ERBB4: variants seen among roughly 807,000 people sequenced by gnomAD.
ERBB4 encodes receptor tyrosine-protein kinase erbB-4.
A neutral mutation model predicts 158.0 loss-of-function variants in ERBB4; 42 were observed. The observed-to-expected ratio is 0.27, with a 90% confidence interval of 0.21 to 0.34. ERBB4 has a LOEUF of 0.34. Among genes scored for constraint, ERBB4 ranks in the 10% least tolerant of loss-of-function variants. The pLI, the probability that ERBB4 is intolerant of heterozygous loss-of-function variation, is 1.00. For missense variants in ERBB4, 1,333 were observed against 1,624.1 expected, an observed-to-expected ratio of 0.82 and a Z score of 3.08; for synonymous variants, 583 against 558.7, an observed-to-expected ratio of 1.04 and a Z score of -0.61.
At chr2:211,514,266 T>C (rs10200942) in intron 20 of ERBB4, among the ~76,000 whole-genome samples, 43,933 of 151,976 alleles carry the variant, frequency 0.29, 6,617 homozygotes, top group South Asian at 0.38. Context: ...CTTCTAAATA[T>C]GAAACCTATC....
intron 1 of ERBB4, among the ~76,000 whole-genome samples, chr2:212,493,749 C>A (rs1690410808): frequency 6.6e-6 from 1 of 151,720 alleles, no homozygotes; most frequent in African/African-American, 2.4e-5. Flanking sequence ...TGTAACTTTG[C>A]CTTTTAGCTT....
At chr2:211,420,360 T>C (rs2063488604) in intron 25 of ERBB4, 81 bp downstream of exon 25, 2 of 999,014 alleles carry the variant, frequency 2.0e-6, no homozygotes, top group South Asian at 2.7e-5. Context: ...TATAATTATT[T>C]TGAAATGTTA....
At chr2:212,190,498 T>C (rs1027892936) in intron 1 of ERBB4, among the ~76,000 whole-genome samples, 19 of 148,840 alleles carry the variant, frequency 1.3e-4, no homozygotes, top group Admixed American at 4.7e-4. Flanking sequence ...GATCGTGCCA[T>C]TGCACTCCAG....
At chr2:211,964,279 A>C (rs556091872) in intron 2 of ERBB4, among the ~76,000 whole-genome samples, 1 of 152,272 alleles carries the variant, frequency 6.6e-6, no homozygotes, top group Admixed American at 6.5e-5. Flanking sequence ...AATCCTCTTC[A>C]TCAACATCAT....
intron 1 of ERBB4, among the ~76,000 whole-genome samples, chr2:212,439,893 G>A (rs1322931716): frequency 1.3e-5 from 2 of 152,090 alleles, no homozygotes; most frequent in African/African-American, 2.4e-5. Context: ...ACAAAAACAA[G>A]GCTAGTATAG....
intron 1 of ERBB4, among the ~76,000 whole-genome samples, chr2:212,247,802 G>T (rs959282659): frequency 6.6e-5 from 10 of 151,922 alleles, no homozygotes; most frequent in African/African-American, 2.2e-4. Flanking sequence ...CATCTCTGCT[G>T]AAAATACAAA....
intron 18 of ERBB4, among the ~76,000 whole-genome samples, chr2:211,619,731 C>T (rs566998530): frequency 6.6e-6 from 1 of 151,794 alleles, no homozygotes; most frequent in Non-Finnish European, 1.5e-5. Flanking sequence ...TATTCAGCAG[C>T]AAGAAAAACA....
At chr2:211,387,804 G>T in intron 26 of ERBB4, 141 bp downstream of exon 26, 1 of 730,476 alleles carries the variant, frequency 1.4e-6, no homozygotes, top group Non-Finnish European at 2.5e-6. Flanking sequence ...CATCTACAAA[G>T]GCAGCTACAC....
At chr2:211,854,750 G>T (rs1044678873) in intron 3 of ERBB4, among the ~76,000 whole-genome samples, 1 of 151,986 alleles carries the variant, frequency 6.6e-6, no homozygotes, top group Non-Finnish European at 1.5e-5. Context: ...TGAAATTTAG[G>T]TTGTTAGCAC....
chr2:212,055,319 C>T (rs2077523707), intron 2 of ERBB4, among the ~76,000 whole-genome samples: 1 of 152,168 alleles, frequency 6.6e-6, no homozygotes, highest in South Asian at 2.1e-4. Context: ...CTGGGTGGAG[C>T]CCATGACAGC....
chr2:212,199,652 G>A (rs1486646183), intron 1 of ERBB4, among the ~76,000 whole-genome samples: 5 of 152,148 alleles, frequency 3.3e-5, no homozygotes, highest in Admixed American at 2.0e-4. Context: ...CTTTATCTGA[G>A]TAAGCAGCTA....
intron 12 of ERBB4, among the ~76,000 whole-genome samples, chr2:211,687,123 C>T (rs954554462): frequency 1.6e-4 from 17 of 108,524 alleles, no homozygotes; most frequent in African/African-American, 5.5e-4. Context: ...GGTGAAACCC[C>T]ATCTCTACTT....
chr2:212,413,979 G>A (rs1331927859), intron 1 of ERBB4, among the ~76,000 whole-genome samples: 2 of 152,142 alleles, frequency 1.3e-5, no homozygotes, highest in Admixed American at 6.5e-5. Flanking sequence ...GTGAAATAGT[G>A]ATAAAATGCT....
chr2:212,050,028 G>C (rs922613326), intron 2 of ERBB4, among the ~76,000 whole-genome samples: 1 of 152,064 alleles, frequency 6.6e-6, no homozygotes, highest in East Asian at 1.9e-4. Context: ...AAGGAACAGG[G>C]ACAAAGATAA....
chr2:211,882,727 T>A (rs1046327788), intron 3 of ERBB4, among the ~76,000 whole-genome samples: 6 of 152,218 alleles, frequency 3.9e-5, no homozygotes, highest in African/African-American at 1.2e-4. Context: ...TTCTTAAAAT[T>A]GTTTAAGTAT....
intron 3 of ERBB4, among the ~76,000 whole-genome samples, chr2:211,788,646 T>C (rs1185134981): frequency 6.6e-6 from 1 of 152,154 alleles, no homozygotes; most frequent in East Asian, 1.9e-4. Context: ...CATTGGTCTT[T>C]ACAACAAATT....
chr2:211,738,361 G>GTTTTTTTTTTTTTTTTTTTT (rs10535592), intron 5 of ERBB4, among the ~76,000 whole-genome samples: 1 of 135,342 alleles, frequency 7.4e-6, no homozygotes, highest in Non-Finnish European at 1.6e-5. Flanking sequence ...CTTTGTTTTT[G>GTTTTTTTTTTTTTTTTTTTT]TTTTTTTTTT....
chr2:212,209,417 T>G (rs1401567544), intron 1 of ERBB4, among the ~76,000 whole-genome samples: 1 of 152,176 alleles, frequency 6.6e-6, no homozygotes, highest in African/African-American at 2.4e-5. Context: ...TTACTTTTGT[T>G]TGTTCTACTA....
chr2:211,500,765 A>T (rs1450422296), intron 20 of ERBB4, among the ~76,000 whole-genome samples: 1 of 151,944 alleles, frequency 6.6e-6, no homozygotes, highest in Admixed American at 6.6e-5. Flanking sequence ...ATTTTTTGAA[A>T]GCTAAATTTT....
Sources: allele counts gnomAD v4.1 joint callset (sites outside exome capture counted in the v4.1 genomes callset), GRCh38; gene constraint gnomAD v4.1.1; transcripts MANE v1.5; gene names NCBI Gene and HGNC (gene_info 2026-07-23, HGNC 2026-07-21).